DIAPH2: variants seen among roughly 807,000 people sequenced by gnomAD.
The protein encoded by DIAPH2 is diaphanous related formin 2.
DIAPH2 carries 35 observed loss-of-function variants against 92.7 expected under a neutral mutation model. The observed-to-expected ratio is 0.38, with a 90% CI of 0.29 to 0.50. The LOEUF (loss-of-function observed/expected upper bound fraction) is 0.50, where lower values mean the gene tolerates loss of function less well. DIAPH2 is among the 20% of genes least tolerant of loss of function. The pLI is 0.94. For missense variants in DIAPH2, 701 were observed against 819.5 expected (o/e 0.86, Z 1.77); for synonymous variants, 301 against 280.4 (o/e 1.07, Z -0.73).
chrX:96,889,183 T>G (rs1374929793), intron 5 of DIAPH2, among the ~76,000 whole-genome samples: 1 of 112,047 alleles, frequency 8.9e-6, no homozygotes, highest in Non-Finnish European at 1.9e-5. Context: ...GGAGTTTTTT[T>G]ATGATATCGT....
chrX:97,599,234 T>C lies in DIAPH2; in HGVS notation c.3242-19T>C. 1 of 1,165,792 alleles carries C rather than the reference T, an allele frequency of 8.6e-7. No homozygotes were observed. Among genetic ancestry groups the C allele is most frequent in the South Asian group, 1.9e-5 (1 of 52,634 alleles). On this transcript the variant is annotated intron_variant, in intron 26 of 26. Transcript: ENST00000324765. ...TAAAACTTACCATGCTTTTGGTCCT[T>C]TTTCTGTTTGTCTTACAGATAACAG...
intron 22 of DIAPH2, among the ~76,000 whole-genome samples, chrX:97,152,215 C>T (rs2067290674): frequency 8.9e-6 from 1 of 111,820 alleles, no homozygotes; most frequent in African/African-American, 3.3e-5. Flanking sequence ...CCACATTTTC[C>T]ACTTTTTACA....
Position 97,570,134 on chromosome X carries a change from AT to A in DIAPH2, c.3242-29118del, listed in dbSNP as rs1295361443. Among the ~76,000 whole-genome samples, 255 of 41,161 alleles carry A rather than the reference AT, an allele frequency of 6.2e-3. 6 individuals carry two copies. The highest frequency in any genetic ancestry group is 0.014 in the African/African-American group (236 of 16,960). The allele number at this position is 41,161 out of a possible 115,157, so 35.7% of individuals were successfully genotyped here. A position where few individuals can be genotyped will look rare whatever the true frequency, so the allele number is the denominator to read the frequency against. ...TATATATATATATATTAGAAGATAGATAGATAGATAGATAGATAGATAGATA... is the reference window on the plus strand; with the variant it reads ...TATATATATATATATTAGAAGATAGAAGATAGATAGATAGATAGATAGATA... On this transcript the variant is annotated intron_variant, in intron 26 of 26. Coordinates refer to ENST00000324765, the MANE Select transcript of DIAPH2 (RefSeq NM_006729.5).
intron 17 of DIAPH2, among the ~76,000 whole-genome samples, chrX:96,997,419 A>T (rs1288929155): frequency 9.0e-6 from 1 of 111,477 alleles, no homozygotes; most frequent in Non-Finnish European, 1.9e-5. Context: ...TGGTATGTAC[A>T]GCATCATTCC....
In DIAPH2 at chrX:97,107,840, C is replaced by T. The variant is rs141461610; in HGVS notation, c.2350-6886C>T. 3.5e-3 allele frequency among the ~76,000 whole-genome samples: 392 copies of T among 111,329 alleles called. 1 individual carries two copies. Among genetic ancestry groups the T allele is most frequent in the African/African-American group, 0.012 (376 of 30,710 alleles). On this transcript the variant is annotated intron_variant, in intron 20 of 26. Coordinates refer to ENST00000324765, the MANE Select transcript of DIAPH2 (RefSeq NM_006729.5). The stretch of plus-strand genomic sequence containing the variant: ...TTCTTAACATTATATTTTGAAGAGA[C>T]GGGGGGATCAGTTTTTCTCCCATAT...
intron 22 of DIAPH2, among the ~76,000 whole-genome samples, chrX:97,208,856 G>A (rs1195598481): frequency 9.1e-6 from 1 of 110,322 alleles, no homozygotes; most frequent in Non-Finnish European, 1.9e-5. Context: ...GTAATGTAAG[G>A]CAGCGGTGAG....
intron 23 of DIAPH2, among the ~76,000 whole-genome samples, chrX:97,300,654 C>T (rs1602490636): frequency 9.7e-6 from 1 of 103,073 alleles, no homozygotes; most frequent in East Asian, 3.0e-4. Flanking sequence ...TGTCTCCGGC[C>T]GGGCGCGGTG....
At chrX:96,734,546 A>G (rs759864815) in intron 1 of DIAPH2, among the ~76,000 whole-genome samples, 1 of 111,879 alleles carries the variant, frequency 8.9e-6, no homozygotes, top group South Asian at 3.7e-4. Context: ...AAGTGGTTTC[A>G]GTTCTGATAT....
chrX:97,020,540 A>G (rs1177222729), intron 17 of DIAPH2, among the ~76,000 whole-genome samples: 1 of 112,066 alleles, frequency 8.9e-6, no homozygotes, highest in African/African-American at 3.2e-5. Flanking sequence ...TAAGAAACTA[A>G]CAGCTATAAT....
chrX:96,759,137 A>G (rs761305984), intron 4 of DIAPH2, among the ~76,000 whole-genome samples: 1 of 111,054 alleles, frequency 9.0e-6, no homozygotes, highest in Admixed American at 9.5e-5. Flanking sequence ...ACACACATAC[A>G]CTATTTAGGT....
At chrX:97,568,354 A>G (rs1031434029) in intron 26 of DIAPH2, among the ~76,000 whole-genome samples, 1 of 110,984 alleles carries the variant, frequency 9.0e-6, no homozygotes, top group African/African-American at 3.3e-5. Context: ...GACATGTCAG[A>G]TAACACAAAC....
intron 26 of DIAPH2, among the ~76,000 whole-genome samples, chrX:97,573,338 T>TAC (rs1475536137): frequency 9.0e-6 from 1 of 111,688 alleles, no homozygotes; most frequent in African/African-American, 3.3e-5. Context: ...TTTGGCAATA[T>TAC]ATATATATAT....
At chrX:97,467,758 T>A (rs1434342367) in intron 26 of DIAPH2, among the ~76,000 whole-genome samples, 2 of 112,347 alleles carry the variant, frequency 1.8e-5, no homozygotes, top group African/African-American at 6.5e-5. Context: ...TGCAAAATCC[T>A]AGCAGAGACC....
Position 97,006,193 on chromosome X carries a change from G to A in DIAPH2, c.2050+40986G>A, listed in dbSNP as rs572897428. On this transcript the variant is annotated intron_variant, in intron 17 of 26. Transcript: ENST00000324765. ...TCAAGTTTTTTTAACGTTTTAAGAC[G>A]TGTTTTGTGGTATGTCCTTGAGAAT... Among the ~76,000 whole-genome samples, 81 of 111,362 alleles carry A rather than the reference G, an allele frequency of 7.3e-4. 2 individuals are homozygous for A. The South Asian group carries it at 0.02, about 28-fold the overall frequency.
chrX:97,319,178 A>C (rs1244554787), intron 23 of DIAPH2, among the ~76,000 whole-genome samples: 1 of 112,277 alleles, frequency 8.9e-6, no homozygotes, highest in East Asian at 2.8e-4. Context: ...GAAATTGATA[A>C]TTTGTTCTCT....
At chrX:96,954,763 G>T (rs749041942) in intron 15 of DIAPH2, among the ~76,000 whole-genome samples, 29 of 112,179 alleles carry the variant, frequency 2.6e-4, no homozygotes, top group Non-Finnish European at 3.9e-4. Flanking sequence ...AGGATCAAAA[G>T]AAATAATAAA....
chrX:96,854,326 C>G (rs2065023285), intron 4 of DIAPH2, among the ~76,000 whole-genome samples: 1 of 108,905 alleles, frequency 9.2e-6, no homozygotes, highest in Admixed American at 1.0e-4. Context: ...CCACCTAAAC[C>G]TTATTTTCCT....
intron 4 of DIAPH2, among the ~76,000 whole-genome samples, chrX:96,768,429 G>A (rs2064317543): frequency 1.8e-5 from 2 of 111,397 alleles, no homozygotes; most frequent in African/African-American, 6.5e-5. Context: ...CAAAGTTACT[G>A]GGTACTTATT....
intron 4 of DIAPH2, among the ~76,000 whole-genome samples, chrX:96,867,209 T>TTTTTG (rs1312303901): frequency 9.0e-6 from 1 of 110,802 alleles, no homozygotes; most frequent in African/African-American, 3.3e-5. Context: ...TCAGGTTGGG[T>TTTTTG]TTTTGTTTTG....
Sources: allele counts gnomAD v4.1 joint callset (sites outside exome capture counted in the v4.1 genomes callset), GRCh38; gene constraint gnomAD v4.1.1; transcripts MANE v1.5; gene names NCBI Gene and HGNC (gene_info 2026-07-23, HGNC 2026-07-21).